PDS5A: variants seen among roughly 807,000 people sequenced by gnomAD.
PDS5A encodes PDS5 cohesin associated factor A.
PDS5A carries 42 observed loss-of-function variants against 167.1 expected under a neutral mutation model. That is an observed-to-expected ratio of 0.25 (90% CI 0.20 to 0.33). The LOEUF (loss-of-function observed/expected upper bound fraction) is 0.33. Among genes scored for constraint, PDS5A ranks in the 10% least tolerant of loss-of-function variants. The probability of loss-of-function intolerance (pLI) is 1.00; values close to 1 mark genes in which losing one functional copy is unlikely to be tolerated. For missense variants in PDS5A, 1,033 were observed against 1,605.9 expected, an observed-to-expected ratio of 0.64 and a Z score of 6.10; for synonymous variants, 553 against 554.6, an observed-to-expected ratio of 1.00 and a Z score of 0.04.
At chr4:39,830,105 A>G (rs746196643) in intron 32 of PDS5A, among the ~76,000 whole-genome samples, 1 of 152,030 alleles carries the variant, frequency 6.6e-6, no homozygotes, top group Non-Finnish European at 1.5e-5. Flanking sequence ...AGGTCCGTTC[A>G]GGTCTTCATT....
chr4:39,967,090 A>AGGT (rs1047458133), intron 2 of PDS5A, among the ~76,000 whole-genome samples: 77 of 151,080 alleles, frequency 5.1e-4, no homozygotes, highest in Admixed American at 1.1e-3. Context: ...GGATCACTTG[A>AGGT]GGTCAGGAGC....
chr4:39,908,666 T>C, intron 10 of PDS5A, 126 bp from the exon 11 acceptor site: 1 of 633,332 alleles, frequency 1.6e-6, no homozygotes, highest in East Asian at 2.7e-5. Flanking sequence ...AAATATGGCA[T>C]GAAATTAAAT....
intron 30 of PDS5A, among the ~76,000 whole-genome samples, chr4:39,843,685 C>T (rs1031880317): frequency 2.0e-5 from 3 of 152,018 alleles, no homozygotes; most frequent in Non-Finnish European, 2.9e-5. Context: ...GCCTGAGTGA[C>T]GGACAGAGAC....
rs1013263705 is a variant in PDS5A at position 39,904,186 on chromosome 4, T to G, written c.1239A>C (p.Arg413=). The change falls in exon 12 of 33, where the codon CGA becomes CGC. Residue 413 remains arginine (R), a synonymous_variant. Coordinates refer to ENST00000303538, the MANE Select transcript of PDS5A (RefSeq NM_001100399.2). ...GACCCATCATAGCTTCTTTTCTTACTCGCCACTAAAAAGCATAAAATTTAT... is the reference window on the plus strand; with the variant it reads ...GACCCATCATAGCTTCTTTTCTTACGCGCCACTAAAAAGCATAAAATTTAT... ...VRERTLDKRW[R]VRKEAMMGLA... The G allele has an allele frequency of 5.6e-6, 9 of 1,603,810 alleles. No homozygotes were observed. Among genetic ancestry groups the G allele is most frequent in the African/African-American group, 1.3e-5 (1 of 74,396 alleles).
chr4:39,869,382 A>T lies in PDS5A; in HGVS notation c.2505+12T>A. ...TTAAACATGAAGATTATCAAGGCCTAAACAAATTTACCTTTGCTAGTACTT... is the reference window on the plus strand; with the variant it reads ...TTAAACATGAAGATTATCAAGGCCTTAACAAATTTACCTTTGCTAGTACTT... On this transcript the variant is annotated intron_variant, in intron 22 of 32. Coordinates refer to ENST00000303538, the MANE Select transcript of PDS5A (RefSeq NM_001100399.2). 2.6e-6 allele frequency: 4 copies of T among 1,534,010 alleles called. No individual in the cohort carries two copies. Among genetic ancestry groups the T allele is most frequent in the Non-Finnish European group, 3.6e-6 (4 of 1,108,320 alleles).
chr4:39,904,821 A>G (rs1343740165), intron 11 of PDS5A, among the ~76,000 whole-genome samples: 1 of 152,218 alleles, frequency 6.6e-6, no homozygotes, highest in East Asian at 1.9e-4. Flanking sequence ...CTGATTTTTT[A>G]TTTCCCTTGA....
chr4:39,963,678 A>G (rs1729708235), intron 2 of PDS5A, among the ~76,000 whole-genome samples: 1 of 152,032 alleles, frequency 6.6e-6, no homozygotes, highest in South Asian at 2.1e-4. Flanking sequence ...CAAAAACTAT[A>G]AAAATTAGCC....
intron 2 of PDS5A, among the ~76,000 whole-genome samples, chr4:39,930,246 A>AAAAAAAAAAAAATAT: frequency 1.1e-5 from 1 of 93,090 alleles, no homozygotes; most frequent in Non-Finnish European, 2.2e-5. Context: ...AAAAAAAAAA[A>AAAAAAAAAAAAATAT]GTTTTTTTGT....
At chr4:39,936,594 A>AT (rs1419937621) in intron 2 of PDS5A, among the ~76,000 whole-genome samples, 6 of 151,124 alleles carry the variant, frequency 4.0e-5, no homozygotes, top group Admixed American at 1.3e-4. Context: ...CATCTGGCTA[A>AT]TTTTTTTTAT....
chr4:39,827,339 TC>T (rs1464918356), intron 32 of PDS5A, among the ~76,000 whole-genome samples: 4 of 152,180 alleles, frequency 2.6e-5, no homozygotes, highest in South Asian at 2.1e-4. Context: ...TCAGGAAGCT[TC>T]CCTTTCCTAG....
chr4:39,880,691 T>C (rs1720855406), intron 17 of PDS5A, among the ~76,000 whole-genome samples: 1 of 152,160 alleles, frequency 6.6e-6, no homozygotes, highest in African/African-American at 2.4e-5. Context: ...ACAAAAATTA[T>C]AAATATTCAT....
chr4:39,829,083 C>T (rs188769926), intron 32 of PDS5A, among the ~76,000 whole-genome samples: 3 of 152,238 alleles, frequency 2.0e-5, no homozygotes, highest in African/African-American at 7.2e-5. Context: ...CCCTGTAGCT[C>T]AGCGGTGTGT....
chr4:39,949,873 G>A (rs1458961258), intron 2 of PDS5A, among the ~76,000 whole-genome samples: 3 of 146,324 alleles, frequency 2.1e-5, no homozygotes, highest in African/African-American at 5.0e-5. Context: ...GGCAATCACT[G>A]CAAGCATTTG....
intron 19 of PDS5A, among the ~76,000 whole-genome samples, chr4:39,874,953 T>C (rs1487803647): frequency 6.6e-6 from 1 of 152,196 alleles, no homozygotes; most frequent in African/African-American, 2.4e-5. Flanking sequence ...TATTTCCGCA[T>C]GGATTAATTC....
In PDS5A at chr4:39,885,412, C is replaced by T. The variant is rs141065291; in HGVS notation, c.1886+4837G>A. Among the ~76,000 whole-genome samples the T allele has an allele frequency of 5.8e-3, 885 of 151,646 alleles. 9 individuals carry two copies. Among genetic ancestry groups the T allele is most frequent in the African/African-American group, 0.02 (814 of 41,334 alleles). On this transcript the variant is annotated intron_variant, in intron 17 of 32. Coordinates refer to ENST00000303538, the MANE Select transcript of PDS5A (RefSeq NM_001100399.2). ...CCCAGGAGCTCGAGACCAGCCTGGG[C>T]AACACGGCAAAACTGCTTCTCTACT...
At chr4:39,853,234 A>G (rs1259968395) in intron 26 of PDS5A, among the ~76,000 whole-genome samples, 16 of 152,140 alleles carry the variant, frequency 1.1e-4, no homozygotes, top group Admixed American at 9.8e-4. Flanking sequence ...AACAGTATCA[A>G]CTCTTAACAA....
intron 2 of PDS5A, among the ~76,000 whole-genome samples, chr4:39,970,790 CTTTTT>C (rs35223238): frequency 2.7e-4 from 24 of 88,500 alleles, no homozygotes; most frequent in African/African-American, 6.0e-4. Flanking sequence ...CCGCTTGTTC[CTTTTT>C]TTTTTTTTTT....
chr4:39,841,028 T>C (rs867994503), intron 31 of PDS5A, among the ~76,000 whole-genome samples: 2 of 133,878 alleles, frequency 1.5e-5, no homozygotes, highest in South Asian at 2.6e-4. Context: ...AGTGCACGAT[T>C]ACAGGTGTAA....
chr4:39,936,349 G>C (rs1214340422), intron 2 of PDS5A, among the ~76,000 whole-genome samples: 2 of 152,088 alleles, frequency 1.3e-5, no homozygotes, highest in African/African-American at 2.4e-5. Flanking sequence ...TGACAGACCA[G>C]CTATAAATTT....
Sources: gnomAD v4.1 joint callset for allele counts (sites outside exome capture counted in the v4.1 genomes callset) on GRCh38, gnomAD v4.1.1 for gene constraint, MANE v1.5 for transcripts, NCBI Gene and HGNC (gene_info 2026-07-23, HGNC 2026-07-21) for gene names.